The following PARD3 variants were observed in gnomAD, a reference collection of about 807,000 sequenced individuals.
PARD3 encodes the protein partitioning defective 3 homolog.
In PARD3, 75 loss-of-function variants were observed where a neutral mutation model predicts 155.4. That is an observed-to-expected ratio of 0.48 (90% confidence interval 0.40 to 0.58). The LOEUF is 0.58. Among genes scored for constraint, PARD3 ranks in the 20% least tolerant of loss-of-function variants. The pLI, the probability that PARD3 is intolerant of heterozygous loss-of-function variation, is 0.00. For synonymous variants in PARD3, 576 were observed against 610.5 expected, an observed-to-expected ratio of 0.94 and a Z score of 0.83; for missense variants, 1,642 against 1,721.7, an observed-to-expected ratio of 0.95 and a Z score of 0.82.
chr10:34,163,984 TTTAAGCAA>T (rs1949403765), intron 22 of PARD3, among the ~76,000 whole-genome samples: 1 of 152,218 alleles, frequency 6.6e-6, no homozygotes, highest in South Asian at 2.1e-4. Flanking sequence ...CATTTGTTAG[TTTAAGCAA>T]TTATTATTAT....
chr10:34,694,001 A>T (rs572465578), intron 2 of PARD3, among the ~76,000 whole-genome samples: 1 of 152,260 alleles, frequency 6.6e-6, no homozygotes, highest in South Asian at 2.1e-4. Flanking sequence ...GAAAATCTCA[A>T]ACAACAGTGA....
chr10:34,411,481 AAGGCTG>A (rs67952074), intron 5 of PARD3, among the ~76,000 whole-genome samples: 13,435 of 152,060 alleles, frequency 0.088, 1,082 homozygotes, highest in African/African-American at 0.22. Flanking sequence ...ATAGAACAAA[AAGGCTG>A]AGGAAGAGGA....
At chr10:34,264,101 C>G (rs1212408537) in intron 22 of PARD3, among the ~76,000 whole-genome samples, 1 of 152,158 alleles carries the variant, frequency 6.6e-6, no homozygotes, top group Non-Finnish European at 1.5e-5. Context: ...AAGGTGCTAA[C>G]TATTCAGTAG....
At chr10:34,156,232 C>T (rs1005705613) in intron 22 of PARD3, among the ~76,000 whole-genome samples, 1 of 152,074 alleles carries the variant, frequency 6.6e-6, no homozygotes, top group African/African-American at 2.4e-5. Context: ...CTCGGCCTCC[C>T]AAGTAGCTGG....
At chr10:34,663,737 C>T (rs544076678) in intron 2 of PARD3, 1 of 152,122 alleles carries the variant, frequency 6.6e-6, no homozygotes, top group Admixed American at 6.5e-5. Context: ...GAAGCTGTGT[C>T]ATTCTTCTAT....
At chr10:34,581,241 T>C (rs1352026749) in intron 2 of PARD3, among the ~76,000 whole-genome samples, 2 of 138,202 alleles carry the variant, frequency 1.4e-5, no homozygotes, top group South Asian at 4.7e-4. Context: ...TTTCTTTTTT[T>C]TTTTTTTTTT....
At chr10:34,379,732 C>G (rs1841632758) in intron 9 of PARD3, among the ~76,000 whole-genome samples, 1 of 152,062 alleles carries the variant, frequency 6.6e-6, no homozygotes, top group African/African-American at 2.4e-5. Context: ...ACATTCTGCA[C>G]TGACTGAAAC....
chr10:34,541,109 T>C (rs999386324), intron 2 of PARD3, among the ~76,000 whole-genome samples: 1 of 152,180 alleles, frequency 6.6e-6, no homozygotes, highest in Non-Finnish European at 1.5e-5. Context: ...TATAGAAAAT[T>C]GTGACTGATT....
intron 22 of PARD3, among the ~76,000 whole-genome samples, chr10:34,198,645 T>C (rs184184568): frequency 2.6e-5 from 4 of 152,268 alleles, no homozygotes; most frequent in East Asian, 3.9e-4. Flanking sequence ...AATTATTCTA[T>C]TTTGATAGAA....
chr10:34,721,491 T>C (rs764859697), intron 1 of PARD3, among the ~76,000 whole-genome samples: 1 of 152,232 alleles, frequency 6.6e-6, no homozygotes, highest in Admixed American at 6.5e-5. Flanking sequence ...TCCAACCCCA[T>C]AGCCAGCGAA....
At chr10:34,260,202 T>C (rs778748638) in intron 22 of PARD3, among the ~76,000 whole-genome samples, 13 of 152,222 alleles carry the variant, frequency 8.5e-5, no homozygotes, top group Non-Finnish European at 1.8e-4. Context: ...CTCAAACTCC[T>C]GGGCTCAAGC....
rs773304239 is a variant in PARD3, at chr10:34,517,112, G to A, written c.270C>T (p.Gly90=). Residue 90 remains glycine (G), a synonymous_variant, in exon 3 of 25, where the codon GGC becomes GGT. Coordinates refer to ENST00000374788, the MANE Select transcript of PARD3 (RefSeq NM_001184785.2). ...GGGTACCCGTGGAACTGGCACTGGT[G>A]CCATCACCTCCGTGATGTGGATCCT... ...DEQDPHHGGD[G]TSASSTGTQS... is the part of the protein sequence containing the mutation. The A allele has an allele frequency of 6.2e-7, 1 of 1,614,000 alleles. No homozygotes were observed. The highest frequency in any genetic ancestry group is 8.5e-7 in the Non-Finnish European group (1 of 1,179,986).
At chr10:34,201,167 T>C (rs909375013) in intron 22 of PARD3, among the ~76,000 whole-genome samples, 2 of 152,176 alleles carry the variant, frequency 1.3e-5, no homozygotes, top group African/African-American at 4.8e-5. Flanking sequence ...GTCTTTAAGT[T>C]CTCATCTGTC....
In PARD3 at chr10:34,798,163, A is replaced by G. The variant is rs1223303762; in HGVS notation, c.120+16713T>C. ...AGCAAGAACCCATCTCTACAAAAAG[A>G]AAAAAAAAATGCTTAATGAGCTGGG... On this transcript the variant is annotated intron_variant, in intron 1 of 24. Coordinates refer to ENST00000374788, the MANE Select transcript of PARD3 (RefSeq NM_001184785.2). Among the ~76,000 whole-genome samples, 3 of 64,068 alleles carry G rather than the reference A, an allele frequency of 4.7e-5. No homozygotes were observed. In the East Asian group the frequency reaches 1.2e-3, roughly 25 times the overall value. 42.0% of individuals were successfully genotyped at this position (64,068 alleles called of 152,430 possible). A position where few individuals can be genotyped will look rare whatever the true frequency, so the allele number is the denominator to read the frequency against.
intron 23 of PARD3, 41 bp downstream of exon 23, chr10:34,131,422 G>A (rs1483713517): frequency 6.2e-7 from 1 of 1,612,524 alleles, no homozygotes; most frequent in Non-Finnish European, 8.5e-7. Flanking sequence ...CTGCAGGGAA[G>A]TTGTAGGACC....
chr10:34,757,678 G>A (rs561260010), intron 1 of PARD3, among the ~76,000 whole-genome samples: 12 of 151,050 alleles, frequency 7.9e-5, no homozygotes, highest in South Asian at 6.3e-4. Flanking sequence ...GCCACTGGGC[G>A]AAACCTGTCT....
intron 12 of PARD3, among the ~76,000 whole-genome samples, chr10:34,371,174 T>C (rs547277833): frequency 3.9e-4 from 59 of 152,134 alleles, no homozygotes; most frequent in African/African-American, 1.4e-3. Context: ...AAATTGCTAT[T>C]GTACCCCATT....
At chr10:34,716,753 C>T (rs1460594746) in intron 1 of PARD3, among the ~76,000 whole-genome samples, 4 of 151,748 alleles carry the variant, frequency 2.6e-5, no homozygotes, top group Admixed American at 1.3e-4. Context: ...CCACCACCCC[C>T]GGCTAATTTT....
At chr10:34,439,600 G>A (rs1221376795) in intron 5 of PARD3, among the ~76,000 whole-genome samples, 2 of 151,948 alleles carry the variant, frequency 1.3e-5, no homozygotes, top group Non-Finnish European at 2.9e-5. Context: ...TGGGATTACT[G>A]CGTGTGCCAC....
Sources: allele counts gnomAD v4.1 joint callset (sites outside exome capture counted in the v4.1 genomes callset), GRCh38; gene constraint gnomAD v4.1.1; transcripts MANE v1.5; gene names NCBI Gene and HGNC (gene_info 2026-07-23, HGNC 2026-07-21).